Variants in PRKCB observed in about 807,000 individuals in gnomAD.
The protein encoded by PRKCB is protein kinase C beta type.
A neutral mutation model predicts 81.5 loss-of-function variants in PRKCB; 13 were observed. The observed-to-expected ratio is 0.16, with a 90% CI of 0.10 to 0.25. The LOEUF is 0.25. Ranked by LOEUF, PRKCB falls within the 10% of genes least tolerant of loss-of-function variation. The pLI is 1.00. For synonymous variants in PRKCB, 335 were observed against 321.4 expected (o/e 1.04, Z -0.45); for missense variants, 509 against 875.7 (o/e 0.58, Z 5.29).
intron 9 of PRKCB, among the ~76,000 whole-genome samples, chr16:24,141,854 G>T (rs1966906230): frequency 6.6e-6 from 1 of 152,198 alleles, no homozygotes; most frequent in Non-Finnish European, 1.5e-5. Flanking sequence ...GATCTCCCAG[G>T]ACATAGATTT....
intron 10 of PRKCB, among the ~76,000 whole-genome samples, chr16:24,158,030 T>C (rs961593453): frequency 3.3e-5 from 5 of 152,182 alleles, no homozygotes; most frequent in Admixed American, 1.3e-4. Flanking sequence ...TGGAACAGAT[T>C]GCTTTCTCAG....
Position 23,872,346 on chromosome 16 carries a change from C to T in PRKCB, c.205+34940C>T, listed in dbSNP as rs183874968. Among the ~76,000 whole-genome samples, 21 of 152,286 alleles carry T rather than the reference C, an allele frequency of 1.4e-4. 1 individual carries two copies. The highest frequency in any genetic ancestry group is 2.2e-4 in the African/African-American group (9 of 41,552). ...CAGTCTGGGCAACATAGCAAGACTT[C>T]GTCTTTACAAAAAATTTTTAAAAAT... is the stretch of plus-strand genomic sequence containing the variant. On this transcript the variant is annotated intron_variant, in intron 2 of 16. Coordinates refer to ENST00000643927, the MANE Select transcript of PRKCB (RefSeq NM_002738.7).
At chr16:24,001,512 C>T (rs893520711) in intron 3 of PRKCB, among the ~76,000 whole-genome samples, 2 of 152,070 alleles carry the variant, frequency 1.3e-5, no homozygotes, top group Admixed American at 6.6e-5. Context: ...TGTATGTATA[C>T]ATTAAAGTAT....
rs1966423516 is a variant in PRKCB at position 24,095,038 on chromosome 16, C to T, written c.821+741C>T. The stretch of plus-strand genomic sequence containing the variant: ...AGAACAGTTGAATAGTTAATGCCCC[C>T]TTTAGACAGGACATGGATTTTCTAT... On this transcript the variant is annotated intron_variant, in intron 7 of 16. Transcript: ENST00000643927. 2.0e-5 allele frequency among the ~76,000 whole-genome samples: 3 copies of T among 152,120 alleles called. No individual in the cohort carries two copies. In the South Asian group the frequency reaches 6.2e-4, roughly 32 times the overall value.
Position 24,219,506 on chromosome 16 carries a change from C to A in PRKCB, c.*4690C>A. ...GCAGAGTAGATGGGCAGCAGTTCACCTTTTCAGAGAAAGAGGTCTTCTAGC... is the reference window on the plus strand; with the variant it reads ...GCAGAGTAGATGGGCAGCAGTTCACATTTTCAGAGAAAGAGGTCTTCTAGC... On this transcript the variant is annotated 3_prime_UTR_variant, in exon 17 of 17. Transcript: ENST00000643927. The A allele has an allele frequency of 3.0e-6, 3 of 987,950 alleles. No homozygotes were observed. The highest frequency in any genetic ancestry group is 3.6e-6 in the Non-Finnish European group (3 of 831,724). The allele number at this position is 987,950 out of a possible 1,614,324, so 61.2% of individuals were successfully genotyped here.
intron 3 of PRKCB, among the ~76,000 whole-genome samples, chr16:23,995,845 A>G (rs982008375): frequency 9.9e-5 from 15 of 152,230 alleles, no homozygotes; most frequent in Non-Finnish European, 1.9e-4. Context: ...GGAAGAGCAG[A>G]CTAGGACCCA....
chr16:24,086,337 A>G (rs1596541824), intron 5 of PRKCB, among the ~76,000 whole-genome samples: 2 of 152,284 alleles, frequency 1.3e-5, no homozygotes, highest in East Asian at 3.9e-4. Flanking sequence ...CTGAAACAGG[A>G]GAGGGGCAGG....
chr16:24,068,983 T>C (rs1966074944), intron 5 of PRKCB, among the ~76,000 whole-genome samples: 1 of 152,238 alleles, frequency 6.6e-6, no homozygotes, highest in Admixed American at 6.5e-5. Flanking sequence ...ACATAGTGAA[T>C]GTTTACCATA....
At chr16:24,033,072 G>T (rs549956230) in intron 4 of PRKCB, among the ~76,000 whole-genome samples, 7 of 152,210 alleles carry the variant, frequency 4.6e-5, no homozygotes, top group African/African-American at 1.7e-4. Flanking sequence ...GCCAAGGCCC[G>T]GATGGCCTGT....
At chr16:24,068,093 C>G (rs887524465) in intron 5 of PRKCB, among the ~76,000 whole-genome samples, 1 of 152,146 alleles carries the variant, frequency 6.6e-6, no homozygotes, top group Admixed American at 6.6e-5. Context: ...CATTTCCACT[C>G]CTATGGTGTA....
At chr16:24,176,986 C>T (rs1014338270) in intron 12 of PRKCB, among the ~76,000 whole-genome samples, 1 of 151,880 alleles carries the variant, frequency 6.6e-6, no homozygotes, top group African/African-American at 2.4e-5. Flanking sequence ...ACCAAAGAGA[C>T]AGGCATCATG....
chr16:23,880,524 T>C (rs979266561), intron 2 of PRKCB, among the ~76,000 whole-genome samples: 1 of 152,182 alleles, frequency 6.6e-6, no homozygotes, highest in Non-Finnish European at 1.5e-5. Context: ...TGTGGGTGTC[T>C]GACAGCCTCT....
intron 3 of PRKCB, among the ~76,000 whole-genome samples, chr16:24,026,729 A>G (rs999426618): frequency 2.0e-5 from 3 of 152,228 alleles, no homozygotes; most frequent in African/African-American, 4.8e-5. Context: ...GAGCTGGCTC[A>G]GGCCACTTCT....
At chr16:24,035,158 G>T (rs1341154861) in intron 4 of PRKCB, among the ~76,000 whole-genome samples, 5 of 152,176 alleles carry the variant, frequency 3.3e-5, no homozygotes, top group Non-Finnish European at 7.3e-5. Flanking sequence ...TGTGGGGTGT[G>T]CTTGCTTCAG....
intron 10 of PRKCB, among the ~76,000 whole-genome samples, chr16:24,155,808 C>G (rs1967147914): frequency 6.6e-6 from 1 of 152,110 alleles, no homozygotes; most frequent in Non-Finnish European, 1.5e-5. Flanking sequence ...GGCTGTGTGA[C>G]CTGTAGCATT....
Position 24,111,446 on chromosome 16 carries a change from A to G in PRKCB, c.822-1527A>G, listed in dbSNP as rs572329179. On this transcript the variant is annotated intron_variant, in intron 7 of 16. Coordinates refer to ENST00000643927, the MANE Select transcript of PRKCB (RefSeq NM_002738.7). ...TCATCTCATCCTCTTACTAGATGAA[A>G]AAATCTTTGTGGTCAAGAAACAAAC... is the stretch of plus-strand genomic sequence containing the variant. The G allele has an allele frequency of 8.5e-5, 13 of 152,146 alleles. No individual in the cohort carries two copies. In the East Asian group the frequency reaches 2.3e-3, roughly 27 times the overall value. 9.4% of individuals were successfully genotyped at this position (152,146 alleles called of 1,614,324 possible).
intron 2 of PRKCB, among the ~76,000 whole-genome samples, chr16:23,986,235 A>G (rs574414167): frequency 6.6e-6 from 1 of 152,092 alleles, no homozygotes; most frequent in Admixed American, 6.6e-5. Flanking sequence ...AATACATAGT[A>G]GTTTTTATAT....
At chr16:23,947,362 C>T (rs757076423) in intron 2 of PRKCB, among the ~76,000 whole-genome samples, 33 of 152,184 alleles carry the variant, frequency 2.2e-4, no homozygotes, top group East Asian at 1.9e-4. Context: ...TAGTTTGCTG[C>T]GGAAGATCTG....
rs567291726 is a variant in PRKCB, at chr16:24,043,019, G to A, written c.529+7472G>A. ...CCCAAAGCGCTGGGATTATAGATGT[G>A]AGCCACTGTGCCCGGTGATGTCTTA... On this transcript the variant is annotated intron_variant, in intron 5 of 16. Coordinates refer to ENST00000643927, the MANE Select transcript of PRKCB (RefSeq NM_002738.7). Among the ~76,000 whole-genome samples the A allele has an allele frequency of 3.3e-5, 5 of 152,310 alleles. No homozygotes were observed. The East Asian group carries it at 9.6e-4, about 29-fold the overall frequency.
Sources: gnomAD v4.1 joint callset for allele counts (sites outside exome capture counted in the v4.1 genomes callset) on GRCh38, gnomAD v4.1.1 for gene constraint, MANE v1.5 for transcripts, NCBI Gene and HGNC (gene_info 2026-07-23, HGNC 2026-07-21) for gene names.